BARX2: variants seen among roughly 807,000 people sequenced by gnomAD.
The protein encoded by BARX2 is BARX homeobox 2.
In BARX2, 11 loss-of-function variants were observed where a neutral mutation model predicts 25.5. That is an observed-to-expected ratio of 0.43 (90% CI 0.27 to 0.71). BARX2 has a LOEUF of 0.71. Among genes scored for constraint, BARX2 ranks in the 30% least tolerant of loss-of-function variants. The pLI is 0.19. For synonymous variants in BARX2, 137 were observed against 149.5 expected (o/e 0.92, Z 0.61); for missense variants, 360 against 359.9 (o/e 1.00, Z 0.00).
chr11:129,383,197 G>A (rs1053788011), intron 1 of BARX2, among the ~76,000 whole-genome samples: 6 of 152,158 alleles, frequency 3.9e-5, no homozygotes, highest in African/African-American at 1.4e-4. Flanking sequence ...TTACAGCTTA[G>A]TAACAGTTAG....
chr11:129,396,061 C>T (rs1421484848), intron 1 of BARX2, among the ~76,000 whole-genome samples: 1 of 152,124 alleles, frequency 6.6e-6, no homozygotes, highest in Non-Finnish European at 1.5e-5. Context: ...CCGTCAGCTG[C>T]CCTCTCTCTG....
chr11:129,422,705 CT>C (rs35370470), intron 1 of BARX2, among the ~76,000 whole-genome samples: 70,706 of 136,582 alleles, frequency 0.52, 17,564 homozygotes, highest in African/African-American at 0.55. Context: ...ATTTTATTCT[CT>C]TTTTTTTTTT....
intron 1 of BARX2, among the ~76,000 whole-genome samples, chr11:129,406,012 A>C (rs1265322454): frequency 6.6e-6 from 1 of 152,166 alleles, no homozygotes; most frequent in Non-Finnish European, 1.5e-5. Flanking sequence ...TATCTATCTC[A>C]TTACTAGATT....
At chr11:129,437,278 T>C (rs55851523) in intron 2 of BARX2, 216,015 of 558,938 alleles carry the variant, frequency 0.39, 44,433 homozygotes, top group African/African-American at 0.63. Context: ...ACTCACCACT[T>C]TATCTCCATA....
In BARX2 at chr11:129,437,112, C is replaced by T. The variant is rs1046479876; in HGVS notation, c.488+61C>T. On this transcript the variant is annotated intron_variant, in intron 2 of 3. Coordinates refer to ENST00000281437, the MANE Select transcript of BARX2 (RefSeq NM_003658.5). ...GCCCCTGGGAACGGGAGACTTGCTC[C>T]CATTGTGGGCCGTGGAGCCACAGCA... 4.1e-6 allele frequency: 6 copies of T among 1,452,100 alleles called. No homozygotes were observed. The African/African-American group carries it at 7.1e-5, about 17-fold the overall frequency. 90.0% of individuals were successfully genotyped at this position (1,452,100 alleles called of 1,614,324 possible).
chr11:129,446,323 A>G (rs149092039), intron 3 of BARX2, among the ~76,000 whole-genome samples: 96 of 152,254 alleles, frequency 6.3e-4, no homozygotes, highest in African/African-American at 2.2e-3. Flanking sequence ...CATGGTCATT[A>G]TCTTTCTCAT....
intron 1 of BARX2, among the ~76,000 whole-genome samples, chr11:129,425,692 T>C (rs1862055010): frequency 6.6e-6 from 1 of 152,162 alleles, no homozygotes; most frequent in Non-Finnish European, 1.5e-5. Flanking sequence ...AGGGATAAGG[T>C]GATAAGACTT....
Position 129,375,982 on chromosome 11 carries a change from G to T in BARX2, c.-54G>T, listed in dbSNP as rs553095883. 1.8e-6 allele frequency: 2 copies of T among 1,119,264 alleles called. No individual in the cohort carries two copies. Among genetic ancestry groups the T allele is most frequent in the South Asian group, 3.5e-5 (1 of 28,552 alleles). The allele number at this position is 1,119,264 out of a possible 1,614,324, so 69.3% of individuals were successfully genotyped here. ...GTCGCGCCAGCCCCGCGGCCCCAGC[G>T]GGCCGGGCACTCGCAGCCGCGCTCG... On this transcript the variant is annotated 5_prime_UTR_variant, in exon 1 of 4. Transcript: ENST00000281437. This position sits in a 1 kb window ranked among gnomAD's most constrained non-coding sequence, Gnocchi z 4.0.
At chr11:129,380,817 T>G (rs1214063547) in intron 1 of BARX2, among the ~76,000 whole-genome samples, 2 of 152,022 alleles carry the variant, frequency 1.3e-5, no homozygotes, top group East Asian at 3.9e-4. Flanking sequence ...AGTCAGTTTT[T>G]TTTTTTTTTC....
At chr11:129,383,944 G>A (rs564860988) in intron 1 of BARX2, among the ~76,000 whole-genome samples, 162 of 152,220 alleles carry the variant, frequency 1.1e-3, no homozygotes, top group African/African-American at 3.9e-3. Flanking sequence ...TGCAATCTCG[G>A]CTCACTGCAG....
intron 1 of BARX2, among the ~76,000 whole-genome samples, chr11:129,414,108 A>T (rs568349861): frequency 9.9e-5 from 15 of 151,818 alleles, no homozygotes; most frequent in Admixed American, 7.9e-4. Context: ...CTCGGGGATT[A>T]TTTAGGTTTG....
intron 1 of BARX2, among the ~76,000 whole-genome samples, chr11:129,393,086 C>T (rs1009816140): frequency 1.2e-4 from 18 of 152,098 alleles, no homozygotes; most frequent in African/African-American, 4.3e-4. Flanking sequence ...GCCTGGGCAA[C>T]ATGGAGAGAT....
At chr11:129,432,242 A>C (rs1862138043) in intron 1 of BARX2, among the ~76,000 whole-genome samples, 1 of 152,004 alleles carries the variant, frequency 6.6e-6, no homozygotes, top group Admixed American at 6.6e-5. Flanking sequence ...TTGTATTTCT[A>C]GTAAAGACGG....
At chr11:129,397,744 G>T (rs1423685666) in intron 1 of BARX2, among the ~76,000 whole-genome samples, 1 of 152,222 alleles carries the variant, frequency 6.6e-6, no homozygotes, top group African/African-American at 2.4e-5. Flanking sequence ...TCCATGATGG[G>T]GGAAGGTGGG....
chr11:129,406,647 G>C (rs910553953), intron 1 of BARX2, among the ~76,000 whole-genome samples: 2 of 152,226 alleles, frequency 1.3e-5, no homozygotes, highest in African/African-American at 4.8e-5. Context: ...TCTCTGAGAA[G>C]GGACCCTGAA....
chr11:129,378,862 G>A lies in BARX2; in HGVS notation c.187+2640G>A, dbSNP rs537548695. ...CAGCATTAAAAAAAAAAAAAACACT[G>A]CATAATGAAACAGTTCATGCTCTGT... On this transcript the variant is annotated intron_variant, in intron 1 of 3. Transcript: ENST00000281437. Among the ~76,000 whole-genome samples the A allele has an allele frequency of 2.1e-4, 32 of 150,386 alleles. No individual in the cohort carries two copies. In the South Asian group the frequency reaches 6.3e-3, roughly 30 times the overall value.
At chr11:129,404,445 G>A (rs943787846) in intron 1 of BARX2, among the ~76,000 whole-genome samples, 2 of 152,194 alleles carry the variant, frequency 1.3e-5, no homozygotes, top group African/African-American at 4.8e-5. Context: ...AAACACAAGG[G>A]CATCAGTTTT....
chr11:129,418,774 A>T (rs1324410056), intron 1 of BARX2, among the ~76,000 whole-genome samples: 2 of 152,312 alleles, frequency 1.3e-5, no homozygotes, highest in East Asian at 1.9e-4. Context: ...ATAGCTCATT[A>T]TTAACACACC....
intron 1 of BARX2, among the ~76,000 whole-genome samples, chr11:129,397,585 C>T (rs1372607554): frequency 1.3e-5 from 2 of 152,138 alleles, no homozygotes; most frequent in African/African-American, 2.4e-5. Context: ...AACTAGAGTT[C>T]GTTAAAAAAA....
Sources: allele counts gnomAD v4.1 joint callset (sites outside exome capture counted in the v4.1 genomes callset), GRCh38; gene constraint gnomAD v4.1.1; non-coding constraint Gnocchi (gnomAD v3.1); transcripts MANE v1.5; gene names NCBI Gene and HGNC (gene_info 2026-07-23, HGNC 2026-07-21).